Variants in COL22A1 observed in about 807,000 individuals in gnomAD.
COL22A1 encodes collagen type XXII alpha 1 chain, also known as collagen alpha-1(XXII) chain.
COL22A1 carries 221 observed loss-of-function variants against 248.9 expected under a neutral mutation model. That is an observed-to-expected ratio of 0.89 (90% CI 0.80 to 0.99). The LOEUF (loss-of-function observed/expected upper bound fraction) is 0.99. Among genes scored for constraint, COL22A1 ranks in the 50% least tolerant of loss-of-function variants. The pLI is 0.00. For missense variants in COL22A1, 2,240 were observed against 2,179.0 expected (o/e 1.03, Z -0.56); for synonymous variants, 891 against 793.4 (o/e 1.12, Z -2.07).
intron 16 of COL22A1, among the ~76,000 whole-genome samples, chr8:138,766,545 A>G (rs1833925854): frequency 6.6e-6 from 1 of 152,148 alleles, no homozygotes; most frequent in South Asian, 2.1e-4. Context: ...AAGAGATGTG[A>G]GAGACGGAGA....
chr8:138,591,525 T>G, intron 63 of COL22A1, 24 bp from the exon 64 acceptor site: 1 of 1,514,190 alleles, frequency 6.6e-7, no homozygotes, highest in Non-Finnish European at 8.9e-7. Flanking sequence ...CATGCACTTT[T>G]GATGGTGGAG....
At chr8:138,627,783 C>T (rs1184575465) in intron 50 of COL22A1, among the ~76,000 whole-genome samples, 1 of 152,194 alleles carries the variant, frequency 6.6e-6, no homozygotes, top group Non-Finnish European at 1.5e-5. Context: ...TCAAGGCTTG[C>T]AAGGAGTCAA....
chr8:138,876,064 T>C (rs1204468478), intron 3 of COL22A1, among the ~76,000 whole-genome samples: 2 of 152,118 alleles, frequency 1.3e-5, no homozygotes, highest in Non-Finnish European at 1.5e-5. Context: ...GACCATGTCA[T>C]ACCCCCGCAT....
intron 43 of COL22A1, among the ~76,000 whole-genome samples, chr8:138,661,039 GACAC>G (rs1220574310): frequency 8.5e-5 from 6 of 70,290 alleles, no homozygotes; most frequent in South Asian, 1.0e-3. Flanking sequence ...CACATATACA[GACAC>G]ACACACACAC....
chr8:138,658,588 G>T (rs1046118554), intron 44 of COL22A1, among the ~76,000 whole-genome samples: 4 of 152,184 alleles, frequency 2.6e-5, no homozygotes, highest in Non-Finnish European at 5.9e-5. Flanking sequence ...ACTTCACTGG[G>T]AGAGGACAAA....
intron 22 of COL22A1, among the ~76,000 whole-genome samples, chr8:138,751,055 A>G (rs1395616200): frequency 2.0e-5 from 3 of 152,178 alleles, no homozygotes; most frequent in Non-Finnish European, 4.4e-5. Context: ...CACAATCTAG[A>G]TAGGAAAACA....
At position 138,685,107 on chromosome 8, in the gene COL22A1, G is replaced by T. The variant is rs1826239627; in HGVS notation, c.2967+101C>A. On this transcript the variant is annotated intron_variant, in intron 38 of 64. Coordinates refer to ENST00000303045, the MANE Select transcript of COL22A1 (RefSeq NM_152888.3). ...AACCAGGCCCATTTCATTGGCCACG[G>T]TTCAATTTCTGCAAAGTTTGGCAGT... is the stretch of plus-strand genomic sequence containing the variant. 3.4e-5 allele frequency: 29 copies of T among 855,688 alleles called. No homozygotes were observed. The South Asian group carries it at 3.7e-4, about 11-fold the overall frequency. 53.0% of individuals were successfully genotyped at this position (855,688 alleles called of 1,614,324 possible). A position where few individuals can be genotyped will look rare whatever the true frequency, so the allele number is the denominator to read the frequency against.
chr8:138,796,978 T>C (rs1190379690), intron 11 of COL22A1, 121 bp from the exon 12 acceptor site: 1 of 740,946 alleles, frequency 1.3e-6, no homozygotes, highest in African/African-American at 1.7e-5. Flanking sequence ...CTCTGCCCAG[T>C]AGCCACTAAA....
intron 4 of COL22A1, among the ~76,000 whole-genome samples, chr8:138,840,021 C>A (rs1200144424): frequency 1.3e-5 from 2 of 152,118 alleles, no homozygotes; most frequent in South Asian, 4.2e-4. Flanking sequence ...CAATCTCCTG[C>A]GTCTATTCTC....
At chr8:138,750,743 C>A (rs906403126) in intron 22 of COL22A1, among the ~76,000 whole-genome samples, 1 of 152,142 alleles carries the variant, frequency 6.6e-6, no homozygotes, top group Non-Finnish European at 1.5e-5. Flanking sequence ...TAGTAAAAGG[C>A]GATACAAGCT....
chr8:138,698,992 G>T (rs1036623364), intron 32 of COL22A1, among the ~76,000 whole-genome samples: 3 of 152,204 alleles, frequency 2.0e-5, no homozygotes, highest in African/African-American at 7.2e-5. Flanking sequence ...CTAGGTCTCA[G>T]CGAAGAAACA....
chr8:138,628,918 A>G (rs1330069315), intron 50 of COL22A1, among the ~76,000 whole-genome samples: 1 of 151,754 alleles, frequency 6.6e-6, no homozygotes, highest in Non-Finnish European at 1.5e-5. Flanking sequence ...GGCACATATC[A>G]CCACGCCCAG....
At chr8:138,884,913 C>T (rs2318342) in intron 1 of COL22A1, among the ~76,000 whole-genome samples, 98,644 of 152,066 alleles carry the variant, frequency 0.65, 33,524 homozygotes, top group East Asian at 0.88. Flanking sequence ...CTGGATTAAC[C>T]GTGAAGAAAA....
intron 31 of COL22A1, 53 bp downstream of exon 31, chr8:138,703,253 G>T (rs1029198722): frequency 6.7e-7 from 1 of 1,499,686 alleles, no homozygotes; most frequent in Non-Finnish European, 9.3e-7. Flanking sequence ...GGGGGAGTAC[G>T]AATCCCAATA....
chr8:138,751,311 A>G (rs77081234), intron 22 of COL22A1, 147 bp downstream of exon 22: 18,224 of 585,104 alleles, frequency 0.031, 385 homozygotes, highest in African/African-American at 0.081. Flanking sequence ...ACCATGTTTG[A>G]TGAACTGAAT....
chr8:138,669,605 C>T (rs1401716801), intron 41 of COL22A1, among the ~76,000 whole-genome samples: 4 of 152,156 alleles, frequency 2.6e-5, no homozygotes, highest in Non-Finnish European at 5.9e-5. Flanking sequence ...CTCTCACTAG[C>T]AGAGTGACCA....
At chr8:138,824,136 T>C (rs1299525882) in intron 6 of COL22A1, among the ~76,000 whole-genome samples, 1 of 152,228 alleles carries the variant, frequency 6.6e-6, no homozygotes, top group Admixed American at 6.5e-5. Flanking sequence ...ATACTTCTAA[T>C]ACATATAAAG....
intron 10 of COL22A1, among the ~76,000 whole-genome samples, chr8:138,807,121 G>C (rs1474091254): frequency 1.3e-5 from 2 of 152,160 alleles, no homozygotes; most frequent in Non-Finnish European, 2.9e-5. Flanking sequence ...AAGACAGAGA[G>C]AGACAGTGAC....
intron 1 of COL22A1, among the ~76,000 whole-genome samples, chr8:138,885,034 G>GCACA (rs1472334695): frequency 6.7e-6 from 1 of 148,624 alleles, no homozygotes; most frequent in Non-Finnish European, 1.5e-5. Flanking sequence ...ACACACACAC[G>GCACA]CACACACACA....
Sources: gnomAD v4.1 joint callset for allele counts (sites outside exome capture counted in the v4.1 genomes callset) on GRCh38, gnomAD v4.1.1 for gene constraint, MANE v1.5 for transcripts, NCBI Gene and HGNC (gene_info 2026-07-23, HGNC 2026-07-21) for gene names.